Variants in ZNF804B observed in about 807,000 individuals in gnomAD.
ZNF804B encodes zinc finger protein 804B.
A neutral mutation model predicts 101.4 loss-of-function variants in ZNF804B; 80 were observed. The observed-to-expected ratio is 0.79, with a 90% CI of 0.66 to 0.95. The LOEUF (loss-of-function observed/expected upper bound fraction) is 0.95, where lower values mean the gene tolerates loss of function less well. ZNF804B is among the 40% of genes least tolerant of loss of function. The pLI is 0.00. For missense variants in ZNF804B, 1,673 were observed against 1,561.9 expected (o/e 1.07, Z -1.20); for synonymous variants, 622 against 558.8 (o/e 1.11, Z -1.59).
intron 2 of ZNF804B, among the ~76,000 whole-genome samples, chr7:89,238,465 CAG>C (rs143423157): frequency 0.017 from 2,513 of 152,156 alleles, 70 homozygotes; most frequent in African/African-American, 0.057. Context: ...TAGGCTGAAA[CAG>C]ACAATATTAC....
intron 2 of ZNF804B, among the ~76,000 whole-genome samples, chr7:89,259,748 C>A (rs1056636060): frequency 6.6e-6 from 1 of 151,946 alleles, no homozygotes; most frequent in Admixed American, 6.6e-5. Flanking sequence ...TTTGGGAGGT[C>A]GAGGCAGGCA....
At chr7:89,076,981 GCTGT>G (rs1789623737) in intron 1 of ZNF804B, among the ~76,000 whole-genome samples, 1 of 151,954 alleles carries the variant, frequency 6.6e-6, no homozygotes, top group African/African-American at 2.4e-5. Context: ...TGAGAATGGC[GCTGT>G]CTAATGGCTT....
intron 2 of ZNF804B, among the ~76,000 whole-genome samples, chr7:89,222,729 T>C (rs1789023370): frequency 6.6e-6 from 1 of 151,938 alleles, no homozygotes; most frequent in African/African-American, 2.4e-5. Context: ...AATGCAGAAA[T>C]TGACAACTTA....
At chr7:88,974,987 T>A (rs1461134502) in intron 1 of ZNF804B, among the ~76,000 whole-genome samples, 3 of 151,492 alleles carry the variant, frequency 2.0e-5, no homozygotes, top group African/African-American at 7.3e-5. Flanking sequence ...GCAGTTCTAT[T>A]GTTTTAATTT....
In ZNF804B at chr7:89,070,721, C is replaced by A. The variant is rs536413725; in HGVS notation, c.109-147434C>A. Among the ~76,000 whole-genome samples the A allele has an allele frequency of 6.6e-5, 10 of 152,152 alleles. No individual in the cohort carries two copies. The East Asian group carries it at 1.9e-3, about 29-fold the overall frequency. ...TAAGATTTAACCTCAGGCTCAATGG[C>A]AAATTTTATAAGGTCAAATTGATTT... On this transcript the variant is annotated intron_variant, in intron 1 of 3. Transcript: ENST00000333190.
At chr7:89,227,877 A>T (rs1019093704) in intron 2 of ZNF804B, among the ~76,000 whole-genome samples, 1 of 152,228 alleles carries the variant, frequency 6.6e-6, no homozygotes, top group Admixed American at 6.5e-5. Context: ...CAGGGAAAAA[A>T]ATATGTCATT....
intron 1 of ZNF804B, among the ~76,000 whole-genome samples, chr7:88,972,537 T>C (rs1217396864): frequency 6.6e-6 from 1 of 151,336 alleles, no homozygotes; most frequent in Non-Finnish European, 1.5e-5. Flanking sequence ...TAGTGTAGGA[T>C]TGTGATAGAA....
chr7:89,051,329 C>T (rs1406020810), intron 1 of ZNF804B, among the ~76,000 whole-genome samples: 1 of 152,052 alleles, frequency 6.6e-6, no homozygotes, highest in African/African-American at 2.4e-5. Context: ...TTTTAGGAAC[C>T]ATTTACTTTC....
intron 1 of ZNF804B, among the ~76,000 whole-genome samples, chr7:89,185,311 G>T (rs947528245): frequency 5.3e-5 from 8 of 152,094 alleles, no homozygotes; most frequent in African/African-American, 1.4e-4. Flanking sequence ...GAAGTCTTAC[G>T]CATAGAAGAT....
intron 1 of ZNF804B, among the ~76,000 whole-genome samples, chr7:89,090,793 A>T (rs1421312991): frequency 6.6e-6 from 1 of 152,074 alleles, no homozygotes. Context: ...TTGTTTTGGC[A>T]GGCTGCATAC....
At chr7:88,764,745 A>G (rs1789955239) in intron 1 of ZNF804B, among the ~76,000 whole-genome samples, 1 of 152,170 alleles carries the variant, frequency 6.6e-6, no homozygotes, top group South Asian at 2.1e-4. Context: ...AATACACATT[A>G]AAGACTTTCA....
intron 2 of ZNF804B, among the ~76,000 whole-genome samples, chr7:89,316,480 AC>A (rs1790727318): frequency 6.6e-6 from 1 of 152,076 alleles, no homozygotes; most frequent in South Asian, 2.1e-4. Flanking sequence ...ACAGGCAAGT[AC>A]ACACTTTTTT....
chr7:88,952,912 A>G (rs968204715), intron 1 of ZNF804B, among the ~76,000 whole-genome samples: 2 of 151,818 alleles, frequency 1.3e-5, no homozygotes, highest in African/African-American at 4.8e-5. Context: ...AATACTGATC[A>G]CATGGTACCT....
chr7:88,923,659 A>G (rs1792755015), intron 1 of ZNF804B, among the ~76,000 whole-genome samples: 1 of 152,104 alleles, frequency 6.6e-6, no homozygotes, highest in Non-Finnish European at 1.5e-5. Flanking sequence ...CTTTTAGTTA[A>G]AAGTAATAAT....
At chr7:89,031,840 A>G (rs1190283515) in intron 1 of ZNF804B, among the ~76,000 whole-genome samples, 1 of 152,142 alleles carries the variant, frequency 6.6e-6, no homozygotes, top group Non-Finnish European at 1.5e-5. Flanking sequence ...TTACATCTTT[A>G]GGTAATAGGC....
chr7:88,978,040 C>G (rs1364798284), intron 1 of ZNF804B, among the ~76,000 whole-genome samples: 2 of 151,682 alleles, frequency 1.3e-5, no homozygotes, highest in Non-Finnish European at 3.0e-5. Flanking sequence ...GTGTAATTTT[C>G]AAAGTTTCTC....
chr7:89,076,074 T>G (rs764945114), intron 1 of ZNF804B, among the ~76,000 whole-genome samples: 2 of 152,240 alleles, frequency 1.3e-5, no homozygotes, highest in Non-Finnish European at 2.9e-5. Context: ...TGGAAGGGCC[T>G]TGCCTTGTCT....
At chr7:88,860,097 A>G (rs1215067070) in intron 1 of ZNF804B, among the ~76,000 whole-genome samples, 4 of 152,040 alleles carry the variant, frequency 2.6e-5, no homozygotes, top group African/African-American at 9.6e-5. Context: ...CACTGACTTC[A>G]GATATAATTA....
chr7:88,809,728 T>G (rs894863993), intron 1 of ZNF804B, among the ~76,000 whole-genome samples: 12 of 152,208 alleles, frequency 7.9e-5, no homozygotes, highest in African/African-American at 2.9e-4. Flanking sequence ...CAGTATTGAT[T>G]TGTCTTCTCC....
Sources: gnomAD v4.1 joint callset for allele counts (sites outside exome capture counted in the v4.1 genomes callset) on GRCh38, gnomAD v4.1.1 for gene constraint, MANE v1.5 for transcripts, NCBI Gene and HGNC (gene_info 2026-07-23, HGNC 2026-07-21) for gene names.